PCDHAC1: variants seen among roughly 807,000 people sequenced by gnomAD.
PCDHAC1 encodes the protein protocadherin alpha subfamily C, 1.
PCDHAC1 carries 42 observed loss-of-function variants against 60.0 expected under a neutral mutation model. The observed-to-expected ratio is 0.70, with a 90% CI of 0.55 to 0.90. PCDHAC1 has a LOEUF of 0.90. PCDHAC1 is among the 40% of genes least tolerant of loss of function. The pLI is 0.00. For synonymous variants in PCDHAC1, 468 were observed against 499.3 expected, an observed-to-expected ratio of 0.94 and a Z score of 0.84; for missense variants, 1,160 against 1,222.3, an observed-to-expected ratio of 0.95 and a Z score of 0.76.
In PCDHAC1 at chr5:140,949,530, A is replaced by G. The variant is rs535959568; in HGVS notation, c.2433+20205A>G. Among the ~76,000 whole-genome samples, 8 of 151,972 alleles carry G rather than the reference A, an allele frequency of 5.3e-5. No homozygotes were observed. The South Asian group carries it at 1.7e-3, about 31-fold the overall frequency. On this transcript the variant is annotated intron_variant, in intron 1 of 3. Coordinates refer to ENST00000253807, the MANE Select transcript of PCDHAC1 (RefSeq NM_018898.5). ...GATTTATTGATCCTTTTATCTTCATAAAATATCGATTTGTTGCTGGTCATA... is the reference window on the plus strand; with the variant it reads ...GATTTATTGATCCTTTTATCTTCATGAAATATCGATTTGTTGCTGGTCATA...
chr5:140,932,710 C>T (rs2088563538), intron 1 of PCDHAC1, among the ~76,000 whole-genome samples: 1 of 151,522 alleles, frequency 6.6e-6, no homozygotes, highest in African/African-American at 2.4e-5. Context: ...ATAGACAACA[C>T]AATAATATTG....
chr5:140,932,101 T>G (rs1281828369), intron 1 of PCDHAC1, among the ~76,000 whole-genome samples: 6 of 151,958 alleles, frequency 3.9e-5, no homozygotes, highest in Non-Finnish European at 8.8e-5. Context: ...TTTTTATCTC[T>G]GTATTTCCAA....
intron 1 of PCDHAC1, chr5:140,966,926 C>G (rs782811757): frequency 1.9e-6 from 3 of 1,603,462 alleles, no homozygotes; most frequent in Admixed American, 1.7e-5. Flanking sequence ...GGAGCAGGCA[C>G]CCGGCGCGCT....
intron 3 of PCDHAC1, among the ~76,000 whole-genome samples, chr5:140,996,041 C>T (rs2097709262): frequency 6.6e-6 from 1 of 152,224 alleles, no homozygotes; most frequent in African/African-American, 2.4e-5. Context: ...TAGCACTTAA[C>T]ACAGTGCTTG....
intron 3 of PCDHAC1, among the ~76,000 whole-genome samples, chr5:140,990,570 C>T (rs142596715): frequency 7.2e-4 from 110 of 152,260 alleles, no homozygotes; most frequent in African/African-American, 2.4e-3. Context: ...CACACCTGTT[C>T]GATCTCTTTT....
At chr5:140,994,573 C>A (rs1587629172) in intron 3 of PCDHAC1, among the ~76,000 whole-genome samples, 1 of 152,000 alleles carries the variant, frequency 6.6e-6, no homozygotes, top group African/African-American at 2.4e-5. Context: ...GGTGTGGTGG[C>A]ATGCACTTGT....
At chr5:140,995,946 C>A (rs2097705145) in intron 3 of PCDHAC1, among the ~76,000 whole-genome samples, 1 of 152,192 alleles carries the variant, frequency 6.6e-6, no homozygotes, top group South Asian at 2.1e-4. Flanking sequence ...TGACATAATG[C>A]ACGCAAAATG....
At chr5:141,001,896 C>T (rs2098042458) in intron 3 of PCDHAC1, among the ~76,000 whole-genome samples, 1 of 152,142 alleles carries the variant, frequency 6.6e-6, no homozygotes, top group Admixed American at 6.5e-5. Flanking sequence ...GAAATCGGGG[C>T]TGTTTGAAAA....
At chr5:140,960,483 T>G (rs1554224788) in intron 1 of PCDHAC1, among the ~76,000 whole-genome samples, 1 of 151,978 alleles carries the variant, frequency 6.6e-6, no homozygotes, top group Non-Finnish European at 1.5e-5. Flanking sequence ...TACACAGAGG[T>G]GTAGGTTTGT....
chr5:140,985,675 T>C (rs1477813786), intron 3 of PCDHAC1, among the ~76,000 whole-genome samples: 1 of 151,998 alleles, frequency 6.6e-6, no homozygotes, highest in Non-Finnish European at 1.5e-5. Context: ...AAGTGGGGCC[T>C]GCCTTACGCT....
intron 1 of PCDHAC1, chr5:140,967,846 C>A: frequency 6.2e-7 from 1 of 1,614,166 alleles, no homozygotes; most frequent in Non-Finnish European, 8.5e-7. Context: ...ACGTGAATGA[C>A]AATGCCCCAG....
chr5:140,993,462 TCACACACACACACACACACACACA>T (rs3836747), intron 3 of PCDHAC1, among the ~76,000 whole-genome samples: 3 of 140,938 alleles, frequency 2.1e-5, no homozygotes, highest in African/African-American at 5.3e-5. Flanking sequence ...TCTTTCTTTC[TCACACACACACACACACACACACA>T]CACACACACA....
chr5:140,927,278 T>C lies in PCDHAC1; in HGVS notation c.386T>C (p.Val129Ala). The C allele has an allele frequency of 6.2e-7, 1 of 1,614,094 alleles. No individual in the cohort carries two copies. Among genetic ancestry groups the C allele is most frequent in the Non-Finnish European group, 8.5e-7 (1 of 1,179,998 alleles). Residue 129 changes from valine to alanine, a missense_variant, in exon 1 of 4, where the codon GTG (valine) becomes GCG (alanine). Val to Ala is a moderately conservative substitution (Grantham distance 64). Around this residue, in one of 3 missense-constraint regions of PCDHAC1, gnomAD observed 1,113 missense variants for 1,163.7 expected, o/e 0.96. Coordinates refer to ENST00000253807, the MANE Select transcript of PCDHAC1 (RefSeq NM_018898.5). The stretch of plus-strand genomic sequence containing the variant: ...TCACCTCTCTTTCCTGCCGGCGACG[T>C]GCAGCTGCACATCCCCGAGTTCCTG... ...DNSPLFPAGD[V>A]QLHIPEFLTP...
intron 3 of PCDHAC1, among the ~76,000 whole-genome samples, chr5:140,989,551 C>A (rs964653534): frequency 1.3e-5 from 2 of 152,178 alleles, no homozygotes; most frequent in Non-Finnish European, 2.9e-5. Context: ...AATTCCTTTA[C>A]GTTTTGTGGC....
intron 1 of PCDHAC1, chr5:140,968,461 C>G (rs141568667): frequency 1.4e-5 from 22 of 1,614,078 alleles, no homozygotes; most frequent in Non-Finnish European, 1.9e-5. Context: ...CTGTGACTGC[C>G]AACGTATATG....
intron 1 of PCDHAC1, among the ~76,000 whole-genome samples, chr5:140,950,864 A>G (rs1014752748): frequency 1.3e-5 from 2 of 151,930 alleles, no homozygotes; most frequent in Non-Finnish European, 2.9e-5. Context: ...ATTCTTGTAT[A>G]TTCTATATTG....
In PCDHAC1 at chr5:140,928,666, T is replaced by C; in HGVS notation, c.1774T>C (p.Ser592Pro). The change falls in exon 1 of 4, where the codon TCT (serine) becomes CCT (proline). Residue 592 changes from serine to proline, a missense_variant. Around this residue, in one of 3 missense-constraint regions of PCDHAC1, gnomAD observed 1,113 missense variants for 1,163.7 expected, o/e 0.96. Coordinates refer to ENST00000253807, the MANE Select transcript of PCDHAC1 (RefSeq NM_018898.5). ...GGTAGCAGAGGATGCTGACAGTGGT[T>C]CTAATGCCTGGCTTTCCTACCACAT... ...KVVAEDADSG[S>P]NAWLSYHISR... is the part of the protein sequence containing the mutation. 5.0e-6 allele frequency: 8 copies of C among 1,614,212 alleles called. No individual in the cohort carries two copies. The highest frequency in any genetic ancestry group is 6.8e-6 in the Non-Finnish European group (8 of 1,180,042).
intron 1 of PCDHAC1, chr5:140,967,929 G>C (rs1554230126): frequency 6.2e-7 from 1 of 1,614,214 alleles, no homozygotes; most frequent in Non-Finnish European, 8.5e-7. Flanking sequence ...GCCGTTCTCA[G>C]TGTCAATGAC....
In PCDHAC1 at chr5:140,927,639, G is replaced by T; in HGVS notation, c.747G>T (p.Gly249=). The T allele has an allele frequency of 6.8e-6, 11 of 1,614,194 alleles. No individual in the cohort carries two copies. Among genetic ancestry groups the T allele is most frequent in the Non-Finnish European group, 9.3e-6 (11 of 1,180,046 alleles). The change falls in exon 1 of 4, where the codon GGG becomes GGT. Residue 249 remains glycine (G), a synonymous_variant. Transcript: ENST00000253807. The part of the protein sequence containing the change: ...RTKVPETAPN[G]TVLFRVQALD... Reference sequence around the variant, plus strand: ...AGGTTCCAGAGACTGCACCCAATGGGACTGTGTTATTCCGAGTTCAAGCCT... The same window carrying T: ...AGGTTCCAGAGACTGCACCCAATGGTACTGTGTTATTCCGAGTTCAAGCCT...
Sources: allele counts gnomAD v4.1 joint callset (sites outside exome capture counted in the v4.1 genomes callset), GRCh38; gene constraint gnomAD v4.1.1; regional missense constraint gnomAD v4.1.1; transcripts MANE v1.5; gene names NCBI Gene and HGNC (gene_info 2026-07-23, HGNC 2026-07-21).